SPOCK2: variants seen among roughly 807,000 people sequenced by gnomAD.
SPOCK2 encodes SPARC (osteonectin), cwcv and kazal like domains proteoglycan 2.
SPOCK2 carries 39 observed loss-of-function variants against 60.1 expected under a neutral mutation model. That is an observed-to-expected ratio of 0.65 (90% confidence interval 0.50 to 0.85). The LOEUF (loss-of-function observed/expected upper bound fraction) is 0.85, where lower values mean the gene tolerates loss of function less well. Among genes scored for constraint, SPOCK2 ranks in the 40% least tolerant of loss-of-function variants. The pLI, the probability that SPOCK2 is intolerant of heterozygous loss-of-function variation, is 0.00. For missense variants in SPOCK2, 523 were observed against 567.4 expected (o/e 0.92, Z 0.80); for synonymous variants, 217 against 231.5 (o/e 0.94, Z 0.57).
At chr10:72,079,947 C>G (rs952292472) in intron 1 of SPOCK2, among the ~76,000 whole-genome samples, 1 of 152,090 alleles carries the variant, frequency 6.6e-6, no homozygotes, top group African/African-American at 2.4e-5. Flanking sequence ...ACCCCCTTGC[C>G]TTCCCCTCTG....
At chr10:72,086,241 T>C (rs1840853347) in intron 1 of SPOCK2, 3 of 986,474 alleles carry the variant, frequency 3.0e-6, no homozygotes, top group Non-Finnish European at 3.6e-6. Flanking sequence ...TCTAGTGCCT[T>C]TCTTCTGATG....
intron 1 of SPOCK2, chr10:72,086,408 T>C (rs1840855206): frequency 1.0e-6 from 1 of 1,002,946 alleles, no homozygotes; most frequent in Admixed American, 5.4e-5. Context: ...TCTTTTATTT[T>C]AAACCTTTCC....
intron 1 of SPOCK2, among the ~76,000 whole-genome samples, chr10:72,077,894 C>T (rs1315085844): frequency 1.3e-5 from 2 of 152,164 alleles, no homozygotes; most frequent in African/African-American, 4.8e-5. Context: ...ACCACCCCAA[C>T]CCGAAAAACT....
Position 72,088,475 on chromosome 10 carries a change from G to A in SPOCK2, c.-147C>T. 2.2e-6 allele frequency: 2 copies of A among 929,536 alleles called. No homozygotes were observed. Among genetic ancestry groups the A allele is most frequent in the Non-Finnish European group, 3.1e-6 (2 of 640,700 alleles). The allele number at this position is 929,536 out of a possible 1,614,324, so 57.6% of individuals were successfully genotyped here. ...CGGTGACTGGCGGAGAGTGGGTCGC[G>A]GCTGAAATGTGACCTGGTTAGGAGA... On this transcript the variant is annotated 5_prime_UTR_variant, in exon 1 of 11. Coordinates refer to ENST00000373109, the MANE Select transcript of SPOCK2 (RefSeq NM_001244950.2).
At chr10:72,086,626 C>A (rs753172727) in intron 1 of SPOCK2, 7 of 1,207,724 alleles carry the variant, frequency 5.8e-6, no homozygotes, top group Non-Finnish European at 7.3e-6. Context: ...CCTGCAGGTG[C>A]TTCGGGAAGG....
chr10:72,087,296 G>A lies in SPOCK2; in HGVS notation c.189+844C>T, dbSNP rs1473557531. Reference sequence around the variant, plus strand: ...ACAAAAGTGCCGCAGCTACCCCCCCGCCCCCACCCCGCGGAGTTCGGCCCA... The same window carrying A: ...ACAAAAGTGCCGCAGCTACCCCCCCACCCCCACCCCGCGGAGTTCGGCCCA... On this transcript the variant is annotated intron_variant, in intron 1 of 10. Transcript: ENST00000373109. This position sits in a 1 kb window ranked among gnomAD's most constrained non-coding sequence, Gnocchi z 4.7. 2.0e-5 allele frequency among the ~76,000 whole-genome samples: 3 copies of A among 147,746 alleles called. No individual in the cohort carries two copies. Among genetic ancestry groups the A allele is most frequent in the South Asian group, 2.4e-4 (1 of 4,196 alleles).
chr10:72,065,561 A>T (rs1280785015), intron 8 of SPOCK2, among the ~76,000 whole-genome samples: 1 of 152,242 alleles, frequency 6.6e-6, no homozygotes, highest in African/African-American at 2.4e-5. Context: ...CAAGTGACGC[A>T]TGACTGTAAC....
intron 1 of SPOCK2, 131 bp from the exon 2 acceptor site, chr10:72,073,041 G>T: frequency 8.0e-7 from 1 of 1,251,932 alleles, no homozygotes; most frequent in Non-Finnish European, 1.1e-6. Context: ...CCGAGCAATG[G>T]CCTTCGATGG....
rs183854455 is a variant in SPOCK2 at position 72,072,640 on chromosome 10, C to T, written c.199-92G>A. 6.9e-5 allele frequency: 108 copies of T among 1,569,720 alleles called. No homozygotes were observed. The African/African-American group carries it at 1.3e-3, about 18-fold the overall frequency. On this transcript the variant is annotated intron_variant, in intron 2 of 10. Transcript: ENST00000373109. ...GGGGTCGAGGAGAGGCCTGGGCCAG[C>T]GATGTCATGTGCCAATGGCCGTCAT...
At chr10:72,069,296 A>G (rs573799777) in intron 5 of SPOCK2, 1 of 152,414 alleles carries the variant, frequency 6.6e-6, no homozygotes, top group African/African-American at 2.4e-5. Context: ...CCCCACAGCA[A>G]TGTCAATCAT....
In SPOCK2 at chr10:72,066,983, G is replaced by A. The variant is rs760437901; in HGVS notation, c.847C>T (p.Arg283Cys). ...INLDKYEVCIRPFFNSCDTYK... is the reference protein window; with the variant it reads ...INLDKYEVCICPFFNSCDTYK... ...GTGTCACAGGAGTTGAAGAAGGGAC[G>A]GATGCAGACCTCGTACTTGTCCAGG... is the stretch of plus-strand genomic sequence containing the variant. The change falls in exon 8 of 11, where the codon CGT (arginine) becomes TGT (cysteine). Residue 283 changes from arginine to cysteine, a missense_variant. Arg to Cys is a radical substitution (Grantham distance 180). Transcript: ENST00000373109. 16 of 1,614,046 alleles carry A rather than the reference G, an allele frequency of 9.9e-6. No individual in the cohort carries two copies. Among genetic ancestry groups the A allele is most frequent in the African/African-American group, 1.3e-5 (1 of 74,910 alleles).
chr10:72,076,317 A>G (rs1037278579), intron 1 of SPOCK2, among the ~76,000 whole-genome samples: 2 of 152,206 alleles, frequency 1.3e-5, no homozygotes, highest in African/African-American at 4.8e-5. Context: ...TTTGTTGGCA[A>G]GTGCAAATAA....
At chr10:72,071,195 G>GTTT (rs895008574) in intron 4 of SPOCK2, among the ~76,000 whole-genome samples, 5 of 144,994 alleles carry the variant, frequency 3.4e-5, no homozygotes, top group African/African-American at 1.0e-4. Context: ...GTTTTGTTGT[G>GTTT]TTTTTTTTTT....
At chr10:72,083,161 AATATACAC>A in intron 1 of SPOCK2, among the ~76,000 whole-genome samples, 1 of 152,322 alleles carries the variant, frequency 6.6e-6, no homozygotes, top group Non-Finnish European at 1.5e-5. Flanking sequence ...GTCTCCAGCT[AATATACAC>A]CCTCCCCTAA....
Position 72,088,437 on chromosome 10 carries a change from C to A in SPOCK2, c.-109G>T. 3.1e-6 allele frequency: 4 copies of A among 1,304,734 alleles called. No individual in the cohort carries two copies. Among genetic ancestry groups the A allele is most frequent in the Non-Finnish European group, 4.1e-6 (4 of 983,898 alleles). The allele number at this position is 1,304,734 out of a possible 1,614,324, so 80.8% of individuals were successfully genotyped here. On this transcript the variant is annotated 5_prime_UTR_variant, in exon 1 of 11. Coordinates refer to ENST00000373109, the MANE Select transcript of SPOCK2 (RefSeq NM_001244950.2). ...ACGCGGCTGTCCTCAGCTCTCCTCC[C>A]GCGGTCTGCCTCCGGTGACTGGCGG...
chr10:72,065,597 C>T (rs72806275), intron 8 of SPOCK2, among the ~76,000 whole-genome samples: 9 of 152,338 alleles, frequency 5.9e-5, no homozygotes, highest in African/African-American at 1.7e-4. Flanking sequence ...AACTTGTCTG[C>T]GACCTTGGGA....
intron 1 of SPOCK2, 25 bp from the exon 2 acceptor site, chr10:72,072,935 G>A (rs1840669210): frequency 4.5e-6 from 7 of 1,554,294 alleles, no homozygotes; most frequent in South Asian, 3.6e-5. Context: ...ACAGCAGCAG[G>A]CCATGGAAAA....
rs565590022 is a variant in SPOCK2, at chr10:72,072,440, G to C, written c.244+63C>G. On this transcript the variant is annotated intron_variant, in intron 3 of 10. Coordinates refer to ENST00000373109, the MANE Select transcript of SPOCK2 (RefSeq NM_001244950.2). ...GAGCCCCCAAGCGGGCTAAGGGCTT[G>C]CCCTCTGGTCTCAAGTCTTCACACG... The C allele has an allele frequency of 1.3e-5, 21 of 1,609,104 alleles. No homozygotes were observed. In the East Asian group the frequency reaches 4.7e-4, roughly 36 times the overall value.
At chr10:72,084,891 GGGATTCAACTTATAT>G (rs1439068899) in intron 1 of SPOCK2, among the ~76,000 whole-genome samples, 1 of 152,132 alleles carries the variant, frequency 6.6e-6, no homozygotes, top group Non-Finnish European at 1.5e-5. Context: ...CACTGCATCA[GGGATTCAACTTATAT>G]GAACTGTGCG....
Sources: gnomAD v4.1 joint callset for allele counts (sites outside exome capture counted in the v4.1 genomes callset) on GRCh38, gnomAD v4.1.1 for gene constraint, Gnocchi (gnomAD v3.1) non-coding constraint, MANE v1.5 for transcripts, NCBI Gene and HGNC (gene_info 2026-07-23, HGNC 2026-07-21) for gene names.